Variants in BBS9 observed in about 807,000 individuals in gnomAD.
BBS9 encodes the protein protein PTHB1.
Under a neutral mutation model 117.7 loss-of-function variants are expected in BBS9, and 89 were observed. That is an observed-to-expected ratio of 0.76 (90% CI 0.64 to 0.90). The LOEUF is 0.90. BBS9 is among the 40% of genes least tolerant of loss of function. The pLI is 0.00. For synonymous variants in BBS9, 379 were observed against 370.9 expected, an observed-to-expected ratio of 1.02 and a Z score of -0.25; for missense variants, 982 against 1,042.2, an observed-to-expected ratio of 0.94 and a Z score of 0.80.
At chr7:33,233,366 A>G (rs1266425436) in intron 5 of BBS9, among the ~76,000 whole-genome samples, 1 of 152,122 alleles carries the variant, frequency 6.6e-6, no homozygotes, top group Non-Finnish European at 1.5e-5. Flanking sequence ...TATAAACTAC[A>G]AATAATCTGT....
rs542031486 is a variant in BBS9, at chr7:33,339,906, G to A, written c.1199-991G>A. Among the ~76,000 whole-genome samples the A allele has an allele frequency of 2.0e-5, 3 of 152,016 alleles. No individual in the cohort carries two copies. In the South Asian group the frequency reaches 6.2e-4, roughly 32 times the overall value. Reference sequence around the variant, plus strand: ...GAAGGTGAATAGCTCCACAAAATTAGGGTTCCAATACACAGAGGGAGGAGG... The same window carrying A: ...GAAGGTGAATAGCTCCACAAAATTAAGGTTCCAATACACAGAGGGAGGAGG... On this transcript the variant is annotated intron_variant, in intron 10 of 22. Transcript: ENST00000242067.
chr7:33,303,924 G>A (rs1375515685), intron 9 of BBS9, among the ~76,000 whole-genome samples: 4 of 152,022 alleles, frequency 2.6e-5, no homozygotes, highest in African/African-American at 4.8e-5. Context: ...CTGCCTGGCC[G>A]CCACCCTGTC....
At chr7:33,347,368 G>C (rs1817784587) in intron 12 of BBS9, among the ~76,000 whole-genome samples, 1 of 151,974 alleles carries the variant, frequency 6.6e-6, no homozygotes, top group South Asian at 2.1e-4. Flanking sequence ...CTAGTTGAAA[G>C]AAAGTTGTTT....
At chr7:33,252,100 T>C (rs1796307781) in intron 5 of BBS9, among the ~76,000 whole-genome samples, 1 of 152,058 alleles carries the variant, frequency 6.6e-6, no homozygotes, top group Non-Finnish European at 1.5e-5. Flanking sequence ...ACATGTCACA[T>C]AGTGAGAGCA....
intron 19 of BBS9, among the ~76,000 whole-genome samples, chr7:33,465,258 A>C (rs1840002848): frequency 6.7e-6 from 1 of 148,356 alleles, no homozygotes; most frequent in African/African-American, 2.5e-5. Flanking sequence ...AACATGATTT[A>C]TTCTTTTTTT....
At chr7:33,587,149 T>A (rs1861044205) in intron 21 of BBS9, among the ~76,000 whole-genome samples, 1 of 152,126 alleles carries the variant, frequency 6.6e-6, no homozygotes, top group East Asian at 1.9e-4. Context: ...GACTATGATG[T>A]CAATGGAACA....
intron 19 of BBS9, among the ~76,000 whole-genome samples, chr7:33,456,553 G>T (rs1265112428): frequency 1.1e-4 from 17 of 151,784 alleles, no homozygotes; most frequent in Admixed American, 1.1e-3. Flanking sequence ...TTTTATGGTT[G>T]TTTTTGAGTT....
At position 33,388,073 on chromosome 7, in the gene BBS9, G is replaced by A. The variant is rs772347593; in HGVS notation, c.2044G>A (p.Ala682Thr). Residue 682 changes from alanine (A) to threonine (T), a missense_variant, in exon 19 of 23, where the codon GCA becomes ACA. Ala to Thr is a moderately conservative substitution (Grantham distance 58). Coordinates refer to ENST00000242067, the MANE Select transcript of BBS9 (RefSeq NM_198428.3). Reference protein sequence around the residue: ...QFRAIQRRLLARFKDKTPAPL... With the variant: ...QFRAIQRRLLTRFKDKTPAPL... ...TCGGGCCATTCAACGCCGGCTACTA[G>A]CAAGATTCAAAGATAAAACTCCTGC... The A allele has an allele frequency of 2.0e-5, 33 of 1,614,122 alleles. No homozygotes were observed. The highest frequency in any genetic ancestry group is 2.7e-5 in the Non-Finnish European group (32 of 1,179,998).
At chr7:33,326,669 G>A (rs1812921570) in intron 9 of BBS9, among the ~76,000 whole-genome samples, 1 of 151,814 alleles carries the variant, frequency 6.6e-6, no homozygotes, top group Non-Finnish European at 1.5e-5. Flanking sequence ...GACTATTCAG[G>A]GCCCAAGGGC....
chr7:33,432,997 A>C (rs1834755789), intron 19 of BBS9, among the ~76,000 whole-genome samples: 1 of 152,236 alleles, frequency 6.6e-6, no homozygotes, highest in South Asian at 2.1e-4. Context: ...GGGTTTATGT[A>C]TTCCTTGAGG....
intron 19 of BBS9, among the ~76,000 whole-genome samples, chr7:33,422,167 T>C (rs1198789676): frequency 6.6e-6 from 1 of 152,194 alleles, no homozygotes; most frequent in Non-Finnish European, 1.5e-5. Context: ...CTATAGCTTT[T>C]CGTAAATATA....
chr7:33,385,021 T>A (rs1825766042), intron 18 of BBS9, among the ~76,000 whole-genome samples: 1 of 152,166 alleles, frequency 6.6e-6, no homozygotes, highest in South Asian at 2.1e-4. Context: ...TCTTTGCAAT[T>A]CCTTGGGATA....
At chr7:33,351,454 A>C in intron 14 of BBS9, 131 bp downstream of exon 14, 2 of 745,230 alleles carry the variant, frequency 2.7e-6, no homozygotes, top group Non-Finnish European at 4.8e-6. Context: ...TGTTAAGTAA[A>C]ATCATGTTTT....
chr7:33,232,991 A>G (rs772555327), intron 5 of BBS9, among the ~76,000 whole-genome samples: 2 of 152,184 alleles, frequency 1.3e-5, no homozygotes, highest in Admixed American at 1.3e-4. Context: ...TTCTATTACA[A>G]TTGTTGAGTT....
chr7:33,613,564 T>A (rs1179821272), intron 21 of BBS9, among the ~76,000 whole-genome samples: 1 of 151,906 alleles, frequency 6.6e-6, no homozygotes, highest in Non-Finnish European at 1.5e-5. Context: ...TGCATCCCAT[T>A]TAGTGTAGTG....
intron 5 of BBS9, among the ~76,000 whole-genome samples, chr7:33,226,673 T>C (rs1229478274): frequency 6.6e-6 from 1 of 152,184 alleles, no homozygotes; most frequent in Non-Finnish European, 1.5e-5. Flanking sequence ...AAACAAAATA[T>C]GGTGTATATG....
chr7:33,582,545 CACAT>C (rs1161209499), intron 21 of BBS9, among the ~76,000 whole-genome samples: 1 of 151,942 alleles, frequency 6.6e-6, no homozygotes, highest in South Asian at 2.1e-4. Context: ...CACACACACA[CACAT>C]ACACACACTG....
At chr7:33,380,759 C>G (rs1203053730) in intron 17 of BBS9, 1 of 152,888 alleles carries the variant, frequency 6.5e-6, no homozygotes, top group Non-Finnish European at 1.5e-5. Context: ...CAGTGTGCAA[C>G]TTTTTCATCT....
At chr7:33,441,152 A>AAT (rs1327777977) in intron 19 of BBS9, among the ~76,000 whole-genome samples, 1 of 152,196 alleles carries the variant, frequency 6.6e-6, no homozygotes, top group Non-Finnish European at 1.5e-5. Flanking sequence ...TAACAAGTAG[A>AAT]ATATCTAATT....
Sources: allele counts gnomAD v4.1 joint callset (sites outside exome capture counted in the v4.1 genomes callset), GRCh38; gene constraint gnomAD v4.1.1; transcripts MANE v1.5; gene names NCBI Gene and HGNC (gene_info 2026-07-23, HGNC 2026-07-21).